Variants in CATSPERD observed in about 807,000 individuals in gnomAD.
CATSPERD encodes cation channel sperm-associated auxiliary subunit delta.
Under a neutral mutation model 98.1 loss-of-function variants are expected in CATSPERD, and 86 were observed. That is an observed-to-expected ratio of 0.88 (90% CI 0.74 to 1.05). CATSPERD has a LOEUF of 1.05. CATSPERD is among the 50% of genes least tolerant of loss of function. The pLI, the probability that CATSPERD is intolerant of heterozygous loss-of-function variation, is 0.00. For missense variants in CATSPERD, 995 were observed against 1,005.7 expected (o/e 0.99, Z 0.14); for synonymous variants, 394 against 390.2 (o/e 1.01, Z -0.12).
At chr19:5,733,388 C>CCTCCTTCCTTCCTTTCTT (rs898887971) in intron 4 of CATSPERD, among the ~76,000 whole-genome samples, 1 of 144,256 alleles carries the variant, frequency 6.9e-6, no homozygotes, top group Admixed American at 7.2e-5. Flanking sequence ...TCCCTCTCTG[C>CCTCCTTCCTTCCTTTCTT]CTCCTTCCTT....
At chr19:5,723,186 C>A (rs1164183737) in intron 1 of CATSPERD, among the ~76,000 whole-genome samples, 220 of 121,210 alleles carry the variant, frequency 1.8e-3, no homozygotes, top group African/African-American at 2.3e-3. Flanking sequence ...GATTCTGTCT[C>A]AAAAAAAAAA....
At chr19:5,775,299 G>T in intron 20 of CATSPERD, 3 of 471,278 alleles carry the variant, frequency 6.4e-6, no homozygotes, top group South Asian at 4.6e-5. Context: ...AGTGAGTAAA[G>T]GCAGTCCCTC....
In CATSPERD at chr19:5,720,834, TGGGG is replaced by T. The variant is rs754243128; in HGVS notation, c.71+27_71+30del. 1.9e-6 allele frequency: 3 copies of T among 1,585,690 alleles called. No individual in the cohort carries two copies. In the African/African-American group the frequency reaches 4.0e-5, roughly 21 times the overall value. On this transcript the variant is annotated intron_variant, in intron 1 of 21. Coordinates refer to ENST00000381624, the MANE Select transcript of CATSPERD (RefSeq NM_152784.4). Reference sequence around the variant, plus strand: ...GTGGGGCTGCCAGGACTCCTGGGGCTGGGGTGCTGCCGGGGGTCGGGAGGGTGCT... The same window carrying T: ...GTGGGGCTGCCAGGACTCCTGGGGCTTGCTGCCGGGGGTCGGGAGGGTGCT...
chr19:5,753,668 G>T, intron 12 of CATSPERD: 1 of 335,170 alleles, frequency 3.0e-6, no homozygotes, highest in South Asian at 2.3e-5. Context: ...CCAGGAATTT[G>T]GGACCAGCGT....
At chr19:5,721,466 T>G (rs918093430) in intron 1 of CATSPERD, among the ~76,000 whole-genome samples, 1 of 152,010 alleles carries the variant, frequency 6.6e-6, no homozygotes, top group African/African-American at 2.4e-5. Flanking sequence ...ATTTTGAAAT[T>G]TCAGTAAATG....
In CATSPERD at chr19:5,748,262, A is replaced by G; in HGVS notation, c.904+7A>G. 1.2e-6 allele frequency: 2 copies of G among 1,611,932 alleles called. No individual in the cohort carries two copies. The highest frequency in any genetic ancestry group is 2.2e-5 in the South Asian group (2 of 91,044). ...ATCCACAACATTGCTGTCAGTGCGT[A>G]GCCGACCCACTGCTAGCCAAGAAAT... is the stretch of plus-strand genomic sequence containing the variant. On this transcript the variant is annotated splice_region_variant and intron_variant, in intron 10 of 21. Coordinates refer to ENST00000381624, the MANE Select transcript of CATSPERD (RefSeq NM_152784.4).
rs755646470 is a variant in CATSPERD, at chr19:5,776,158, C to T, written c.1942-3C>T. 4 of 1,613,886 alleles carry T rather than the reference C, an allele frequency of 2.5e-6. No individual in the cohort carries two copies. Among genetic ancestry groups the T allele is most frequent in the Non-Finnish European group, 3.4e-6 (4 of 1,179,906 alleles). On this transcript the variant is annotated splice_polypyrimidine_tract_variant and splice_region_variant and intron_variant, in intron 20 of 21. Coordinates refer to ENST00000381624, the MANE Select transcript of CATSPERD (RefSeq NM_152784.4). ...CCAGTGGGCATGTCTCTGTCCCCCA[C>T]AGAACTATGTGAGCTGCCACGACCC...
intron 15 of CATSPERD, 41 bp downstream of exon 15, chr19:5,759,185 CA>C (rs1243550315): frequency 6.3e-7 from 1 of 1,576,984 alleles, no homozygotes; most frequent in Admixed American, 1.7e-5. Flanking sequence ...GGGCTGCCTA[CA>C]GGGGTTTCCT....
chr19:5,746,574 G>A (rs987124838), intron 9 of CATSPERD, among the ~76,000 whole-genome samples: 2 of 151,876 alleles, frequency 1.3e-5, no homozygotes, highest in African/African-American at 2.4e-5. Context: ...GACTACAGGC[G>A]CCCAGCACCA....
chr19:5,742,140 G>A (rs148149299), intron 7 of CATSPERD, among the ~76,000 whole-genome samples: 10 of 136,608 alleles, frequency 7.3e-5, no homozygotes, highest in Admixed American at 4.6e-4. Context: ...GTGTGTGCGC[G>A]TGTGTACGTG....
intron 9 of CATSPERD, among the ~76,000 whole-genome samples, chr19:5,747,734 C>A (rs563359171): frequency 6.6e-6 from 1 of 151,676 alleles, no homozygotes; most frequent in South Asian, 2.1e-4. Context: ...GCCTCAGTCT[C>A]CCAAGTAGCT....
intron 13 of CATSPERD, 138 bp downstream of exon 13, chr19:5,754,383 GTC>G (rs1417350770): frequency 2.7e-6 from 1 of 365,684 alleles, no homozygotes; most frequent in African/African-American, 2.2e-5. Context: ...CATAGAAATT[GTC>G]TCTGTGTCTT....
In CATSPERD at chr19:5,734,018, G is replaced by A. The variant is rs375092027; in HGVS notation, c.391+48G>A. On this transcript the variant is annotated intron_variant, in intron 5 of 21. Transcript: ENST00000381624. ...AATTTTGTTTGAGTGTAGTCAACAT[G>A]AGAGAAGAGGGTATTAGTGTTGGAA... The A allele has an allele frequency of 7.3e-6, 8 of 1,098,196 alleles. No homozygotes were observed. The African/African-American group carries it at 7.9e-5, about 11-fold the overall frequency. The allele number at this position is 1,098,196 out of a possible 1,614,324, so 68.0% of individuals were successfully genotyped here. A position where few individuals can be genotyped will look rare whatever the true frequency, so the allele number is the denominator to read the frequency against.
At chr19:5,768,808 G>C (rs956496619) in intron 18 of CATSPERD, among the ~76,000 whole-genome samples, 1 of 152,032 alleles carries the variant, frequency 6.6e-6, no homozygotes, top group African/African-American at 2.4e-5. Context: ...ACGCCCATAC[G>C]AGAGTCTGGG....
chr19:5,735,774 AT>A (rs34107835), intron 5 of CATSPERD, among the ~76,000 whole-genome samples: 61,763 of 102,050 alleles, frequency 0.61, 18,391 homozygotes, highest in Admixed American at 0.71. Context: ...TGCCCGGCTA[AT>A]TTTTTTTTTT....
chr19:5,778,311 A>C, intron 21 of CATSPERD, 65 bp from the exon 22 acceptor site: 1 of 1,465,784 alleles, frequency 6.8e-7, no homozygotes. Context: ...CACCTTTGCC[A>C]GAGATAAGGC....
chr19:5,758,573 CAA>C (rs71172762), intron 14 of CATSPERD, among the ~76,000 whole-genome samples: 3,429 of 109,666 alleles, frequency 0.031, 57 homozygotes, highest in Middle Eastern at 0.052. Flanking sequence ...ACTAAAAATA[CAA>C]AAAAAAAAAA....
chr19:5,744,649 G>A (rs919450305), intron 8 of CATSPERD, 139 bp downstream of exon 8: 16 of 467,800 alleles, frequency 3.4e-5, no homozygotes, highest in African/African-American at 2.3e-4. Context: ...CAGCCAGGCC[G>A]GAGTGCAGTG....
chr19:5,778,314 G>C (rs1382415202), intron 21 of CATSPERD, 62 bp from the exon 22 acceptor site: 2 of 1,487,278 alleles, frequency 1.3e-6, no homozygotes, highest in Non-Finnish European at 1.8e-6. Context: ...CTTTGCCAGA[G>C]ATAAGGCGAA....
Sources: allele counts gnomAD v4.1 joint callset (sites outside exome capture counted in the v4.1 genomes callset), GRCh38; gene constraint gnomAD v4.1.1; transcripts MANE v1.5; gene names NCBI Gene and HGNC (gene_info 2026-07-23, HGNC 2026-07-21).